Variants in COL4A3 observed in about 807,000 individuals in gnomAD.
The protein encoded by COL4A3 is collagen alpha-3(IV) chain.
COL4A3 carries 135 observed loss-of-function variants against 217.4 expected under a neutral mutation model. The ratio of observed to expected loss-of-function variants is 0.62; its 90% CI spans 0.54 to 0.72. The LOEUF is 0.72. Ranked by LOEUF, COL4A3 falls within the 30% of genes least tolerant of loss-of-function variation. The pLI is 0.00. For missense variants in COL4A3, 1,868 were observed against 2,119.9 expected (o/e 0.88, Z 2.33); for synonymous variants, 690 against 736.3 (o/e 0.94, Z 1.02).
At chr2:227,264,029 G>A (rs988740790) in intron 21 of COL4A3, 85 bp downstream of exon 21, 2 of 1,481,298 alleles carry the variant, frequency 1.4e-6, no homozygotes, top group East Asian at 2.3e-5. Context: ...CCTCCTCACA[G>A]CTTAGCCATC....
In COL4A3 at chr2:227,298,721, T is replaced by C. The variant is rs780533498; in HGVS notation, c.3791T>C (p.Ile1264Thr). 3.7e-5 allele frequency: 59 copies of C among 1,614,004 alleles called. No homozygotes were observed. In the East Asian group the frequency reaches 1.2e-3, roughly 32 times the overall value. ...GPPGPPGSHV[I>T]GIKGDKGSMG... ...CCTGGACCTCCAGGGAGTCATGTAA[T>C]AGGCATAAAAGGAGACAAAGGGTCT... is the stretch of plus-strand genomic sequence containing the variant. Residue 1264 changes from isoleucine (I) to threonine (T), a missense_variant, in exon 43 of 52, where the codon ATA (isoleucine) becomes ACA (threonine). Ile to Thr is a moderately conservative substitution (Grantham distance 89). Transcript: ENST00000396578.
chr2:227,223,757 T>TAAAGC (rs58867733), intron 1 of COL4A3, among the ~76,000 whole-genome samples: 68,306 of 151,536 alleles, frequency 0.45, 16,570 homozygotes, highest in Non-Finnish European at 0.56. Context: ...AACAAATAAA[T>TAAAGC]AAGCAAATTC....
chr2:227,178,462 AT>A (rs1559797511), intron 1 of COL4A3, among the ~76,000 whole-genome samples: 2 of 152,210 alleles, frequency 1.3e-5, no homozygotes, highest in Admixed American at 6.5e-5. Context: ...TATTAAAGTC[AT>A]TTTTTAAATG....
chr2:227,271,949 T>C (rs2071267536), intron 25 of COL4A3, among the ~76,000 whole-genome samples: 1 of 152,254 alleles, frequency 6.6e-6, no homozygotes, highest in Non-Finnish European at 1.5e-5. Context: ...TTGGAGAAAC[T>C]TGGTAAACAA....
intron 1 of COL4A3, among the ~76,000 whole-genome samples, chr2:227,184,321 A>G (rs952958941): frequency 1.3e-5 from 2 of 152,250 alleles, no homozygotes; most frequent in Non-Finnish European, 2.9e-5. Context: ...ATTATTGCTT[A>G]TCAGCAAACT....
At chr2:227,260,826 G>A (rs1006036497) in intron 19 of COL4A3, among the ~76,000 whole-genome samples, 1 of 152,294 alleles carries the variant, frequency 6.6e-6, no homozygotes, top group Non-Finnish European at 1.5e-5. Flanking sequence ...CACAGAGCAG[G>A]CTCTTAGTAA....
At position 227,297,732 on chromosome 2, in the gene COL4A3, C is replaced by G. The variant is rs771276828; in HGVS notation, c.3624C>G (p.Ala1208=). The change falls in exon 42 of 52, where the codon GCC becomes GCG. Residue 1208 remains alanine (A), a synonymous_variant. Transcript: ENST00000396578. ...GFPGLPGRKG[A]MGDAGPRGPT... The stretch of plus-strand genomic sequence containing the variant: ...CTGGCCTCCCGGGCAGAAAAGGGGC[C>G]ATGGGAGATGCTGGACCTCGAGGAC... The G allele has an allele frequency of 6.2e-7, 1 of 1,607,322 alleles. No homozygotes were observed. The highest frequency in any genetic ancestry group is 8.5e-7 in the Non-Finnish European group (1 of 1,177,548).
At chr2:227,265,723 G>C (rs1380977194) in intron 21 of COL4A3, among the ~76,000 whole-genome samples, 3 of 152,178 alleles carry the variant, frequency 2.0e-5, no homozygotes, top group African/African-American at 4.8e-5. Context: ...TCCAGAATAA[G>C]AGTTGATCCT....
Position 227,314,395 on chromosome 2 carries a change from T to C in COL4A3, c.*2525T>C, listed in dbSNP as rs1260546111. On this transcript the variant is annotated 3_prime_UTR_variant, in exon 52 of 52. Coordinates refer to ENST00000396578, the MANE Select transcript of COL4A3 (RefSeq NM_000091.5). ...AGCTTATGAGTAGCTTATACAATTA[T>C]GAAGATTTAATATTACAGATAAAAT... The C allele has an allele frequency of 6.5e-6, 1 of 152,694 alleles. No individual in the cohort carries two copies. Among genetic ancestry groups the C allele is most frequent in the African/African-American group, 2.4e-5 (1 of 41,468 alleles). 9.5% of individuals were successfully genotyped at this position (152,694 alleles called of 1,614,324 possible).
At chr2:227,296,812 T>A (rs1328736572) in intron 41 of COL4A3, among the ~76,000 whole-genome samples, 3 of 152,224 alleles carry the variant, frequency 2.0e-5, no homozygotes, top group Non-Finnish European at 2.9e-5. Context: ...AAGTCTTTAC[T>A]ATATAATAAC....
chr2:227,265,052 G>C (rs1382121446), intron 21 of COL4A3: 1 of 152,114 alleles, frequency 6.6e-6, no homozygotes, highest in Non-Finnish European at 1.5e-5. Flanking sequence ...GTCTTTGTCA[G>C]TTTTTCTTAC....
chr2:227,228,152 G>A (rs541102504), intron 1 of COL4A3, among the ~76,000 whole-genome samples: 30 of 152,328 alleles, frequency 2.0e-4, no homozygotes, highest in South Asian at 1.2e-3. Flanking sequence ...GGAGTTGAGG[G>A]ATAGGAAGTG....
chr2:227,260,270 T>C (rs1018424558), intron 19 of COL4A3, among the ~76,000 whole-genome samples: 3 of 152,200 alleles, frequency 2.0e-5, no homozygotes, highest in African/African-American at 7.2e-5. Context: ...CTTGAAGCAA[T>C]GATCTGTCCT....
intron 17 of COL4A3, among the ~76,000 whole-genome samples, chr2:227,256,974 C>T (rs1342344194): frequency 6.6e-6 from 1 of 152,148 alleles, no homozygotes; most frequent in Admixed American, 6.5e-5. Context: ...TACAAACCTG[C>T]ACAGCATGTT....
intron 24 of COL4A3, 22 bp from the exon 25 acceptor site, chr2:227,270,748 A>C (rs1375785364): frequency 4.3e-5 from 70 of 1,609,944 alleles, no homozygotes; most frequent in Non-Finnish European, 6.0e-5. Context: ...TACAATACAG[A>C]TTCATTTGTG....
chr2:227,175,246 C>T (rs557881177), intron 1 of COL4A3, among the ~76,000 whole-genome samples: 1 of 152,206 alleles, frequency 6.6e-6, no homozygotes, highest in Admixed American at 6.5e-5. Flanking sequence ...CCAAGGTGGG[C>T]AGATCACCTG....
intron 1 of COL4A3, among the ~76,000 whole-genome samples, chr2:227,171,595 C>G (rs1386835684): frequency 6.6e-6 from 1 of 152,190 alleles, no homozygotes; most frequent in African/African-American, 2.4e-5. Flanking sequence ...GACTGAGTGG[C>G]TTAAACAGGC....
chr2:227,248,367 T>C (rs768408068), intron 8 of COL4A3, 76 bp from the exon 9 acceptor site: 7 of 875,232 alleles, frequency 8.0e-6, no homozygotes. Flanking sequence ...TGAAGAAATA[T>C]AACTTTGAAT....
In COL4A3 at chr2:227,289,206, T is replaced by C. The variant is rs1182913913; in HGVS notation, c.2938T>C (p.Leu980=). ...GNRGVPGMPG[L]KGLKGLPGPA... is the part of the protein sequence containing the mutation. ...CAGAGGCGTTCCAGGGATGCCAGGT[T>C]TAAAGGGCCTCAAAGGACTACCCGG... Residue 980 remains leucine (L), a synonymous_variant, in exon 35 of 52, where the codon TTA becomes CTA. Transcript: ENST00000396578. 6.8e-6 allele frequency: 11 copies of C among 1,613,910 alleles called. No homozygotes were observed. Among genetic ancestry groups the C allele is most frequent in the Middle Eastern group, 1.6e-4 (1 of 6,062 alleles).
Sources: gnomAD v4.1 joint callset for allele counts (sites outside exome capture counted in the v4.1 genomes callset) on GRCh38, gnomAD v4.1.1 for gene constraint, MANE v1.5 for transcripts, NCBI Gene and HGNC (gene_info 2026-07-23, HGNC 2026-07-21) for gene names.